The following PCDH15 variants were observed in gnomAD, a reference collection of about 807,000 sequenced individuals.
PCDH15 encodes protocadherin related 15, also known as protocadherin-15.
Under a neutral mutation model 178.5 loss-of-function variants are expected in PCDH15, and 129 were observed. The ratio of observed to expected loss-of-function variants is 0.72; its 90% CI spans 0.63 to 0.84. PCDH15 has a LOEUF of 0.84. Among genes scored for constraint, PCDH15 ranks in the 40% least tolerant of loss-of-function variants. PCDH15 has a pLI of 0.00. For missense variants in PCDH15, 2,230 were observed against 2,099.9 expected (o/e 1.06, Z -1.21); for synonymous variants, 800 against 732.0 (o/e 1.09, Z -1.50).
chr10:53,852,318 G>A (rs974550506), intron 28 of PCDH15, among the ~76,000 whole-genome samples: 16 of 152,166 alleles, frequency 1.1e-4, no homozygotes, highest in African/African-American at 3.4e-4. Flanking sequence ...GCCTTACAAA[G>A]AGGTGAATTC....
chr10:54,090,203 G>A, intron 15 of PCDH15, 140 bp from the exon 16 acceptor site: 1 of 692,918 alleles, frequency 1.4e-6, no homozygotes, highest in Non-Finnish European at 2.5e-6. Context: ...ATGGCCTAAT[G>A]GCAAGGTGTA....
At chr10:54,645,895 C>G (rs1240157278) in intron 2 of PCDH15, among the ~76,000 whole-genome samples, 1 of 152,148 alleles carries the variant, frequency 6.6e-6, no homozygotes, top group African/African-American at 2.4e-5. Context: ...TAACAGTAAT[C>G]TAATGAGAAA....
upstream of PCDH15, among the ~76,000 whole-genome samples, chr10:55,321,260 G>C (rs1843892836): frequency 6.6e-6 from 1 of 152,122 alleles, no homozygotes; most frequent in Non-Finnish European, 1.5e-5. Context: ...CTCAGAGCTA[G>C]AAGACTGGCT....
chr10:55,190,867 G>T (rs1839928333), intron 1 of PCDH15, among the ~76,000 whole-genome samples: 1 of 151,536 alleles, frequency 6.6e-6, no homozygotes, highest in Non-Finnish European at 1.5e-5. Context: ...CTTTATAAAA[G>T]AGTTGATCCA....
intron 3 of PCDH15, among the ~76,000 whole-genome samples, chr10:54,488,050 A>G (rs151078123): frequency 6.6e-6 from 1 of 151,992 alleles, no homozygotes; most frequent in African/African-American, 2.4e-5. Context: ...AGAAGAGAAC[A>G]GCAAAAGATA....
chr10:55,124,943 C>A (rs969802612), intron 2 of PCDH15, among the ~76,000 whole-genome samples: 2 of 151,850 alleles, frequency 1.3e-5, no homozygotes, highest in Admixed American at 6.6e-5. Context: ...AAATTCTTTC[C>A]ATCAGGACTC....
chr10:54,306,430 GA>G (rs1321728899), intron 8 of PCDH15, among the ~76,000 whole-genome samples: 1 of 151,978 alleles, frequency 6.6e-6, no homozygotes, highest in Non-Finnish European at 1.5e-5. Context: ...AAATCTGTAG[GA>G]CAGGCCAGCA....
intron 3 of PCDH15, among the ~76,000 whole-genome samples, chr10:54,513,030 AAATAT>A (rs2081864726): frequency 6.6e-6 from 1 of 152,058 alleles, no homozygotes; most frequent in Non-Finnish European, 1.5e-5. Flanking sequence ...CCCTAAAATA[AAATAT>A]AATTTTATAA....
At chr10:54,161,948 A>T (rs889430055) in intron 13 of PCDH15, among the ~76,000 whole-genome samples, 1 of 152,046 alleles carries the variant, frequency 6.6e-6, no homozygotes, top group East Asian at 1.9e-4. Context: ...TGTCTCACTG[A>T]TTGGCATTTT....
chr10:54,562,224 C>T (rs774061613), intron 2 of PCDH15, among the ~76,000 whole-genome samples: 3 of 151,866 alleles, frequency 2.0e-5, no homozygotes, highest in Non-Finnish European at 2.9e-5. Context: ...CTCTTGACCT[C>T]AAGTGATTCA....
chr10:55,301,327 T>C (rs778833658), intron 1 of PCDH15, among the ~76,000 whole-genome samples: 6 of 152,190 alleles, frequency 3.9e-5, no homozygotes, highest in Admixed American at 1.3e-4. Context: ...TGCCTCCTTA[T>C]GGTTTTCACT....
At chr10:55,511,122 C>T (rs967774619) in intron 2 of PCDH15, among the ~76,000 whole-genome samples, 1 of 151,646 alleles carries the variant, frequency 6.6e-6, no homozygotes, top group Non-Finnish European at 1.5e-5. Flanking sequence ...GTCCTCCCAA[C>T]TCAGCCTTCC....
At chr10:54,832,861 G>A (rs972768544) in intron 3 of PCDH15, among the ~76,000 whole-genome samples, 1 of 152,090 alleles carries the variant, frequency 6.6e-6, no homozygotes, top group East Asian at 1.9e-4. Context: ...GACACTATAG[G>A]TCATTCAACA....
intron 2 of PCDH15, among the ~76,000 whole-genome samples, chr10:55,004,532 C>A (rs1839876461): frequency 6.6e-6 from 1 of 152,114 alleles, no homozygotes; most frequent in Non-Finnish European, 1.5e-5. Context: ...ACACCAGACC[C>A]CTCACCTATC....
chr10:55,364,366 G>A (rs1167746190), intron 2 of PCDH15, among the ~76,000 whole-genome samples: 3 of 152,036 alleles, frequency 2.0e-5, no homozygotes, highest in Non-Finnish European at 4.4e-5. Flanking sequence ...ATAGAATTCT[G>A]GCTTCACAGT....
At chr10:54,160,460 G>T (rs2045594387) in intron 13 of PCDH15, among the ~76,000 whole-genome samples, 1 of 152,060 alleles carries the variant, frequency 6.6e-6, no homozygotes, top group East Asian at 1.9e-4. Flanking sequence ...GCTACACTAT[G>T]AATACTAGGA....
Position 55,602,821 on chromosome 10 carries a change from A to C in PCDH15, c.-156+24804T>G, listed in dbSNP as rs557858196. Among the ~76,000 whole-genome samples the C allele has an allele frequency of 3.3e-5, 5 of 152,310 alleles. No homozygotes were observed. In the East Asian group the frequency reaches 9.7e-4, roughly 29 times the overall value. ...AACAGAAATACTGGAAACTCTAAAA[A>C]GCAGAGTGCCTCTCCACCTCCAAAG... On this transcript the variant is annotated intron_variant, in intron 2 of 5. Transcript: ENST00000613346.
chr10:54,649,465 A>G (rs1224023257), intron 2 of PCDH15, among the ~76,000 whole-genome samples: 3 of 152,178 alleles, frequency 2.0e-5, no homozygotes, highest in Admixed American at 6.5e-5. Context: ...ATACAACCAC[A>G]TAAAATATTG....
intron 26 of PCDH15, among the ~76,000 whole-genome samples, chr10:53,897,430 TTTAAAACATTTTATAAA>T (rs1312461964): frequency 6.6e-6 from 1 of 152,186 alleles, no homozygotes; most frequent in Non-Finnish European, 1.5e-5. Flanking sequence ...AATTTTAAAG[TTTAAAACATTTTATAAA>T]TTAAAAATAG....
Sources: gnomAD v4.1 joint callset for allele counts (sites outside exome capture counted in the v4.1 genomes callset) on GRCh38, gnomAD v4.1.1 for gene constraint, MANE v1.5 for transcripts, NCBI Gene and HGNC (gene_info 2026-07-23, HGNC 2026-07-21) for gene names.